CPNE2: variants seen among roughly 807,000 people sequenced by gnomAD.
CPNE2 encodes copine 2, also known as copine-2.
CPNE2 carries 42 observed loss-of-function variants against 69.7 expected under a neutral mutation model. The ratio of observed to expected loss-of-function variants is 0.60; its 90% CI spans 0.47 to 0.78. The LOEUF (loss-of-function observed/expected upper bound fraction) is 0.78, where lower values mean the gene tolerates loss of function less well. Ranked by LOEUF, CPNE2 falls within the 30% of genes least tolerant of loss-of-function variation. The pLI is 0.00. For synonymous variants in CPNE2, 294 were observed against 289.8 expected, an observed-to-expected ratio of 1.01 and a Z score of -0.15; for missense variants, 587 against 732.0, an observed-to-expected ratio of 0.80 and a Z score of 2.29.
At chr16:57,107,074 G>C (rs1218817966) in intron 1 of CPNE2, among the ~76,000 whole-genome samples, 1 of 152,142 alleles carries the variant, frequency 6.6e-6, no homozygotes, top group African/African-American at 2.4e-5. Flanking sequence ...TCTAAAATGG[G>C]GGCAATTGTC....
intron 1 of CPNE2, among the ~76,000 whole-genome samples, chr16:57,096,729 C>T (rs1188481997): frequency 6.6e-6 from 1 of 151,318 alleles, no homozygotes; most frequent in Non-Finnish European, 1.5e-5. Flanking sequence ...ACTTGGGGTC[C>T]AACCAAAGGA....
Position 57,113,327 on chromosome 16 carries a change from G to A in CPNE2, c.220G>A (p.Ala74Thr), listed in dbSNP as rs768137060. ...AACCGCGATCAACAACCTCAACCCC[G>A]CCTTCTCCAAGAAGTTCGTGCTTGA... ...TETAINNLNP[A>T]FSKKFVLDYH... The change falls in exon 3 of 16, where the codon GCC (alanine) becomes ACC (threonine). Residue 74 changes from alanine to threonine, a missense_variant. Ala to Thr is a moderately conservative substitution (Grantham distance 58). Coordinates refer to ENST00000290776, the MANE Select transcript of CPNE2 (RefSeq NM_152727.6). 2.5e-5 allele frequency: 40 copies of A among 1,613,976 alleles called. No individual in the cohort carries two copies. The highest frequency in any genetic ancestry group is 1.2e-4 in the South Asian group (11 of 91,084).
At chr16:57,106,075 G>C (rs1331216994) in intron 1 of CPNE2, 2 of 153,598 alleles carry the variant, frequency 1.3e-5, no homozygotes, top group Non-Finnish European at 2.9e-5. Context: ...CCTGGCTGCT[G>C]CTGGGCTGGC....
At chr16:57,104,171 G>A (rs1245203084) in intron 1 of CPNE2, among the ~76,000 whole-genome samples, 1 of 152,186 alleles carries the variant, frequency 6.6e-6, no homozygotes, top group African/African-American at 2.4e-5. Context: ...AGCTGCCTCG[G>A]CCTCCCAAAG....
chr16:57,119,117 G>A lies in CPNE2; in HGVS notation c.508-78G>A. ...CCTATCCTGACACCCGGCTGGGGAG[G>A]CAGCAGGGCCACACCCCCATCTGCC... On this transcript the variant is annotated intron_variant, in intron 5 of 15. Transcript: ENST00000290776. 2 of 1,274,206 alleles carry A rather than the reference G, an allele frequency of 1.6e-6. 1 individual carries two copies. Among genetic ancestry groups the A allele is most frequent in the East Asian group, 4.6e-5 (2 of 43,058 alleles). 78.9% of individuals were successfully genotyped at this position (1,274,206 alleles called of 1,614,324 possible).
intron 11 of CPNE2, among the ~76,000 whole-genome samples, chr16:57,127,574 A>G (rs2069809249): frequency 6.6e-6 from 1 of 152,106 alleles, no homozygotes; most frequent in Non-Finnish European, 1.5e-5. Context: ...TCTCAGTTTG[A>G]GAAGGATCTA....
Position 57,115,463 on chromosome 16 carries a change from C to G in CPNE2, c.361-13C>G. 1 of 1,605,632 alleles carries G rather than the reference C, an allele frequency of 6.2e-7. No individual in the cohort carries two copies. The highest frequency in any genetic ancestry group is 1.1e-5 in the South Asian group (1 of 90,066). ...GCTTCCTCACTGAGCGCCCTTTCTC[C>G]TCTCTCCCCTAGATCGTCTCCAGCA... On this transcript the variant is annotated splice_polypyrimidine_tract_variant and intron_variant, in intron 3 of 15. Coordinates refer to ENST00000290776, the MANE Select transcript of CPNE2 (RefSeq NM_152727.6).
At chr16:57,115,660 A>G in intron 4 of CPNE2, 110 bp downstream of exon 4, 1 of 734,556 alleles carries the variant, frequency 1.4e-6, no homozygotes, top group Non-Finnish European at 2.2e-6. Flanking sequence ...TTGGAGTAAA[A>G]AGGCCCAACT....
chr16:57,094,193 C>T, intron 1 of CPNE2: 1 of 414,804 alleles, frequency 2.4e-6, no homozygotes. Context: ...CGCTTGGGTT[C>T]GTTTTGCGGC....
chr16:57,095,962 G>T (rs1366250567), intron 1 of CPNE2, among the ~76,000 whole-genome samples: 1 of 152,226 alleles, frequency 6.6e-6, no homozygotes, highest in Admixed American at 6.5e-5. Flanking sequence ...AAGGGTGTCA[G>T]ATCCACAAAA....
At chr16:57,121,812 G>T in intron 9 of CPNE2, 52 bp downstream of exon 9, 2 of 1,531,006 alleles carry the variant, frequency 1.3e-6, no homozygotes, top group Non-Finnish European at 1.8e-6. Context: ...AGGCCACACA[G>T]AAGGGACAGA....
At chr16:57,101,775 T>C (rs2069615431) in intron 1 of CPNE2, among the ~76,000 whole-genome samples, 1 of 152,168 alleles carries the variant, frequency 6.6e-6, no homozygotes, top group Non-Finnish European at 1.5e-5. Flanking sequence ...ACCTGCTGGA[T>C]GACAATCTGT....
At chr16:57,094,301 G>A (rs1343529924) in intron 1 of CPNE2, among the ~76,000 whole-genome samples, 2 of 152,158 alleles carry the variant, frequency 1.3e-5, no homozygotes, top group Admixed American at 6.5e-5. Context: ...CTTACAGTAG[G>A]GCGGCTGGGA....
intron 14 of CPNE2, chr16:57,145,645 C>T (rs764824082): frequency 1.4e-5 from 3 of 216,332 alleles, no homozygotes; most frequent in Non-Finnish European, 2.8e-5. Flanking sequence ...AGCCGTGGGC[C>T]TGTCGGGAAT....
chr16:57,141,360 G>T (rs2069921551), intron 14 of CPNE2: 1 of 152,296 alleles, frequency 6.6e-6, no homozygotes, highest in African/African-American at 2.4e-5. Context: ...CACTTTTGCT[G>T]CGACTTGGTC....
At chr16:57,135,700 C>G (rs892667698) in intron 13 of CPNE2, among the ~76,000 whole-genome samples, 2 of 151,168 alleles carry the variant, frequency 1.3e-5, no homozygotes, top group Non-Finnish European at 2.9e-5. Flanking sequence ...ATTGTGAAAC[C>G]CCGTCTGTAC....
At chr16:57,125,395 T>C (rs1385823632) in intron 10 of CPNE2, 2 of 455,658 alleles carry the variant, frequency 4.4e-6, no homozygotes, top group Non-Finnish European at 8.8e-6. Flanking sequence ...TGAGGGATAA[T>C]GGGGAGATGG....
chr16:57,122,678 C>T (rs540578230), intron 9 of CPNE2, among the ~76,000 whole-genome samples: 22 of 152,148 alleles, frequency 1.4e-4, no homozygotes, highest in Non-Finnish European at 2.8e-4. Flanking sequence ...CTGCAACCTC[C>T]GCCTTCCAGG....
At chr16:57,122,490 T>C (rs946918158) in intron 9 of CPNE2, among the ~76,000 whole-genome samples, 1 of 152,260 alleles carries the variant, frequency 6.6e-6, no homozygotes, top group Non-Finnish European at 1.5e-5. Flanking sequence ...TTGTGATGGA[T>C]GGTCCTTGTT....
Sources: allele counts gnomAD v4.1 joint callset (sites outside exome capture counted in the v4.1 genomes callset), GRCh38; gene constraint gnomAD v4.1.1; transcripts MANE v1.5; gene names NCBI Gene and HGNC (gene_info 2026-07-23, HGNC 2026-07-21).